Variants in PLEKHA6 observed in about 807,000 individuals in gnomAD.
The protein encoded by PLEKHA6 is pleckstrin homology domain containing A6.
Under a neutral mutation model 116.7 loss-of-function variants are expected in PLEKHA6, and 60 were observed. The ratio of observed to expected loss-of-function variants is 0.51; its 90% CI spans 0.42 to 0.64. The LOEUF (loss-of-function observed/expected upper bound fraction) is 0.64. PLEKHA6 is among the 30% of genes least tolerant of loss of function. The probability of loss-of-function intolerance (pLI) is 0.00; values close to 1 mark genes in which losing one functional copy is unlikely to be tolerated. For missense variants in PLEKHA6, 1,338 were observed against 1,422.7 expected (o/e 0.94, Z 0.96); for synonymous variants, 489 against 556.1 (o/e 0.88, Z 1.70).
intron 1 of PLEKHA6, among the ~76,000 whole-genome samples, chr1:204,374,830 T>G (rs1202925975): frequency 6.6e-6 from 1 of 152,144 alleles, no homozygotes; most frequent in Non-Finnish European, 1.5e-5. Flanking sequence ...CTTTCCCCAC[T>G]TTCTGGCCTT....
At chr1:204,312,165 T>C (rs1035136664) in intron 1 of PLEKHA6, among the ~76,000 whole-genome samples, 5 of 152,218 alleles carry the variant, frequency 3.3e-5, no homozygotes, top group Non-Finnish European at 7.3e-5. Context: ...TTAGGTCTAC[T>C]CAGCTTCAAA....
At chr1:204,284,275 G>A (rs1321876367) in intron 1 of PLEKHA6, among the ~76,000 whole-genome samples, 1 of 152,178 alleles carries the variant, frequency 6.6e-6, no homozygotes, top group East Asian at 1.9e-4. Flanking sequence ...GCAACAGCAG[G>A]CTCTAATGTA....
intron 1 of PLEKHA6, among the ~76,000 whole-genome samples, chr1:204,349,505 C>T (rs1000036931): frequency 2.0e-5 from 3 of 146,640 alleles, no homozygotes; most frequent in Non-Finnish European, 4.5e-5. Flanking sequence ...CACGCCACTG[C>T]GCTCCAGCCT....
At chr1:204,334,515 G>A (rs964855002) in intron 1 of PLEKHA6, among the ~76,000 whole-genome samples, 65 of 152,156 alleles carry the variant, frequency 4.3e-4, no homozygotes, top group African/African-American at 1.4e-3. Context: ...TTTGATACAT[G>A]TATACATTGT....
Position 204,259,333 on chromosome 1 carries a change from C to A in PLEKHA6, c.932G>T (p.Arg311Leu). 6.2e-7 allele frequency: 1 copy of A among 1,614,226 alleles called. No individual in the cohort carries two copies. Among genetic ancestry groups the A allele is most frequent in the Non-Finnish European group, 8.5e-7 (1 of 1,180,040 alleles). The part of the protein sequence containing the change: ...PRTNPDKIAQ[R>L]KSSMNQLQQW... ...CTGAAGCTGGTTCATGGAGCTCTTGCGCTGGGCAATTTTGTCAGGGTTGGT... is the reference window on the plus strand; with the variant it reads ...CTGAAGCTGGTTCATGGAGCTCTTGAGCTGGGCAATTTTGTCAGGGTTGGT... The change falls in exon 8 of 23, where the codon CGC becomes CTC. Residue 311 changes from arginine (R) to leucine (L), a missense_variant. Physicochemically the swap from Arg to Leu is moderately radical, Grantham distance 102 (BLOSUM62 -2). Around this residue, in one of 3 missense-constraint regions of PLEKHA6, gnomAD observed 1,136 missense variants for 1,163.6 expected, o/e 0.98. Transcript: ENST00000272203. The surrounding 1 kb of genome is among the most constrained non-coding windows in gnomAD (Gnocchi z 4.6).
chr1:204,303,858 C>T (rs149416358), intron 1 of PLEKHA6, among the ~76,000 whole-genome samples: 2 of 152,142 alleles, frequency 1.3e-5, no homozygotes, highest in Non-Finnish European at 1.5e-5. Context: ...GGACTGTAGG[C>T]GTGTGTCACC....
chr1:204,368,328 G>A (rs1673708476), intron 2 of PLEKHA6: 1 of 152,170 alleles, frequency 6.6e-6, no homozygotes, highest in Non-Finnish European at 1.5e-5. Context: ...TAAGACTCAA[G>A]TCTCCAAATA....
At chr1:204,303,049 C>G (rs1359943756) in intron 1 of PLEKHA6, among the ~76,000 whole-genome samples, 1 of 152,192 alleles carries the variant, frequency 6.6e-6, no homozygotes, top group Non-Finnish European at 1.5e-5. Context: ...TTTCTTTCCC[C>G]CCTCTGCTAG....
rs1323179539 is a variant in PLEKHA6, at chr1:204,259,308, C to T, written c.957G>A (p.Gln319=). ...AQRKSSMNQL[Q]QWVNLRRGVP... ...CCCCCCGGCGCAGATTCACCCACTGCTGAAGCTGGTTCATGGAGCTCTTGC... is the reference window on the plus strand; with the variant it reads ...CCCCCCGGCGCAGATTCACCCACTGTTGAAGCTGGTTCATGGAGCTCTTGC... Residue 319 remains glutamine (Q), a synonymous_variant, in exon 8 of 23, where the codon CAG becomes CAA. Transcript: ENST00000272203. This position sits in a 1 kb window ranked among gnomAD's most constrained non-coding sequence, Gnocchi z 4.6. 10 of 1,614,104 alleles carry T rather than the reference C, an allele frequency of 6.2e-6. No individual in the cohort carries two copies. Among genetic ancestry groups the T allele is most frequent in the African/African-American group, 1.3e-5 (1 of 74,958 alleles).
Position 204,228,270 on chromosome 1 carries a change from A to T in PLEKHA6, c.2886-42T>A. 1.9e-6 allele frequency: 3 copies of T among 1,553,810 alleles called. No individual in the cohort carries two copies. The highest frequency in any genetic ancestry group is 2.6e-6 in the Non-Finnish European group (3 of 1,144,858). The stretch of plus-strand genomic sequence containing the variant: ...ACACAGAAATGGAGGGAGGGACAGG[A>T]TGGTCCAAGTGGCTTGAGGGGGCCT... On this transcript the variant is annotated intron_variant, in intron 20 of 22. Coordinates refer to ENST00000272203, the MANE Select transcript of PLEKHA6 (RefSeq NM_014935.5). This position sits in a 1 kb window ranked among gnomAD's most constrained non-coding sequence, Gnocchi z 4.0.
intron 1 of PLEKHA6, among the ~76,000 whole-genome samples, chr1:204,310,502 C>T (rs1671617326): frequency 6.6e-6 from 1 of 152,198 alleles, no homozygotes; most frequent in Non-Finnish European, 1.5e-5. Context: ...TTACTCCCTC[C>T]CCTTCCCGCA....
In PLEKHA6 at chr1:204,341,051, T is replaced by A. The variant is rs114261425; in HGVS notation, c.-95+18643A>T. 5.8e-3 allele frequency among the ~76,000 whole-genome samples: 888 copies of A among 152,288 alleles called. 10 individuals are homozygous for A. Among genetic ancestry groups the A allele is most frequent in the African/African-American group, 0.019 (798 of 41,568 alleles). On this transcript the variant is annotated intron_variant, in intron 1 of 22. Transcript: ENST00000272203. ...AGTCCTGTACAGCACACCCGGTGCCTGGCCACGGTGCTCTACCAGCCAGCT... is the reference window on the plus strand; with the variant it reads ...AGTCCTGTACAGCACACCCGGTGCCAGGCCACGGTGCTCTACCAGCCAGCT...
At chr1:204,336,299 C>T (rs964618817) in intron 1 of PLEKHA6, among the ~76,000 whole-genome samples, 10 of 152,216 alleles carry the variant, frequency 6.6e-5, no homozygotes, top group Admixed American at 5.9e-4. Context: ...CCCTGCTCCC[C>T]GCAAGTGACA....
chr1:204,249,714 C>T (rs1333397298), intron 10 of PLEKHA6, among the ~76,000 whole-genome samples: 1 of 152,130 alleles, frequency 6.6e-6, no homozygotes, highest in Non-Finnish European at 1.5e-5. Context: ...TTCTTCCCTC[C>T]TCCCTTCAAA....
At chr1:204,306,147 C>T (rs1027287302) in intron 1 of PLEKHA6, among the ~76,000 whole-genome samples, 2 of 152,206 alleles carry the variant, frequency 1.3e-5, no homozygotes, top group Non-Finnish European at 2.9e-5. Flanking sequence ...TATCTCACCA[C>T]CCCAAATCTG....
intron 12 of PLEKHA6, among the ~76,000 whole-genome samples, chr1:204,248,526 C>G (rs1664097782): frequency 6.6e-6 from 1 of 152,212 alleles, no homozygotes; most frequent in South Asian, 2.1e-4. Context: ...GGTGTTAGCA[C>G]AGCCAAGGAA....
intron 2 of PLEKHA6, among the ~76,000 whole-genome samples, chr1:204,274,026 T>G (rs1667753346): frequency 6.6e-6 from 1 of 152,144 alleles, no homozygotes; most frequent in Admixed American, 6.5e-5. Context: ...CTTGAATGCC[T>G]AGGCTCAAGT....
At chr1:204,264,246 G>A (rs775406699) in intron 6 of PLEKHA6, among the ~76,000 whole-genome samples, 3 of 152,220 alleles carry the variant, frequency 2.0e-5, no homozygotes, top group Non-Finnish European at 4.4e-5. Flanking sequence ...AGTTTCTGAT[G>A]GGTCGTGACT....
intron 3 of PLEKHA6, among the ~76,000 whole-genome samples, chr1:204,270,852 G>C (rs1317855387): frequency 6.6e-6 from 1 of 152,214 alleles, no homozygotes; most frequent in Non-Finnish European, 1.5e-5. Flanking sequence ...GACAGGCCCT[G>C]CTTCTGGTTC....
Sources: gnomAD v4.1 joint callset for allele counts (sites outside exome capture counted in the v4.1 genomes callset) on GRCh38, gnomAD v4.1.1 for gene constraint, gnomAD v4.1.1 regional missense constraint, Gnocchi (gnomAD v3.1) non-coding constraint, MANE v1.5 for transcripts, NCBI Gene and HGNC (gene_info 2026-07-23, HGNC 2026-07-21) for gene names.